Variants in PDE1C observed in about 807,000 individuals in gnomAD.
PDE1C encodes phosphodiesterase 1C.
In PDE1C, 62 loss-of-function variants were observed where a neutral mutation model predicts 93.1. The ratio of observed to expected loss-of-function variants is 0.67; its 90% CI spans 0.54 to 0.82. The LOEUF (loss-of-function observed/expected upper bound fraction) is 0.82, where lower values mean the gene tolerates loss of function less well. Ranked by LOEUF, PDE1C falls within the 40% of genes least tolerant of loss-of-function variation. PDE1C has a pLI of 0.00. For synonymous variants in PDE1C, 325 were observed against 310.1 expected, an observed-to-expected ratio of 1.05 and a Z score of -0.50; for missense variants, 742 against 884.6, an observed-to-expected ratio of 0.84 and a Z score of 2.04.
At chr7:32,082,720 G>C (rs7808526) in intron 3 of PDE1C, among the ~76,000 whole-genome samples, 7,566 of 152,174 alleles carry the variant, frequency 0.05, 626 homozygotes, top group African/African-American at 0.17. Flanking sequence ...TGCAGCCACC[G>C]CTACTGATAC....
intron 16 of PDE1C, chr7:31,786,083 C>A (rs757085318): frequency 2.0e-5 from 3 of 152,158 alleles, no homozygotes; most frequent in Non-Finnish European, 4.4e-5. Flanking sequence ...TGGTGCTGTA[C>A]CAATCATATT....
At chr7:32,038,102 A>C (rs914799105) in intron 2 of PDE1C, among the ~76,000 whole-genome samples, 13 of 152,196 alleles carry the variant, frequency 8.5e-5, no homozygotes, top group Non-Finnish European at 1.2e-4. Flanking sequence ...GCCTACTAGA[A>C]GATAAATACA....
intron 2 of PDE1C, among the ~76,000 whole-genome samples, chr7:31,905,464 A>G (rs4723108): frequency 0.46 from 70,095 of 151,996 alleles, 16,999 homozygotes; most frequent in Non-Finnish European, 0.54. Context: ...TCTTGTATAA[A>G]GAATCAGTAA....
At chr7:32,208,869 T>G (rs1033714004) in intron 2 of PDE1C, among the ~76,000 whole-genome samples, 1 of 152,196 alleles carries the variant, frequency 6.6e-6, no homozygotes, top group Non-Finnish European at 1.5e-5. Flanking sequence ...GGAAGCCCCA[T>G]GGCCTAACCA....
the PDE1C span, among the ~76,000 whole-genome samples, chr7:31,722,831 T>G: frequency 6.6e-6 from 1 of 152,178 alleles, no homozygotes; most frequent in African/African-American, 2.4e-5. Context: ...ATTAGGAAAG[T>G]TCTCAGTCTT....
intron 1 of PDE1C, among the ~76,000 whole-genome samples, chr7:32,421,789 T>A (rs1785437299): frequency 6.6e-6 from 1 of 152,198 alleles, no homozygotes; most frequent in Non-Finnish European, 1.5e-5. Flanking sequence ...GTCGTGAAGA[T>A]CAAATGTTAA....
At chr7:32,427,448 C>T (rs1489765910) in intron 1 of PDE1C, among the ~76,000 whole-genome samples, 1 of 152,194 alleles carries the variant, frequency 6.6e-6, no homozygotes, top group Non-Finnish European at 1.5e-5. Context: ...GTAACTAGGT[C>T]TGGACAAGCA....
chr7:32,334,135 T>G (rs916378854), intron 1 of PDE1C, among the ~76,000 whole-genome samples: 5 of 152,170 alleles, frequency 3.3e-5, no homozygotes, highest in Non-Finnish European at 7.4e-5. Context: ...TTTTACCCTA[T>G]TTAATTCATA....
the PDE1C span, among the ~76,000 whole-genome samples, chr7:31,636,873 C>A: frequency 2.3e-5 from 2 of 85,672 alleles, no homozygotes; most frequent in Non-Finnish European, 4.4e-5. Context: ...TGCTATCCCT[C>A]CCCCCTCCCC....
chr7:32,380,540 C>T (rs566920231), intron 1 of PDE1C, among the ~76,000 whole-genome samples: 68 of 151,970 alleles, frequency 4.5e-4, no homozygotes, highest in Non-Finnish European at 8.8e-4. Context: ...GCCACCGCAC[C>T]CAGCCTCCAT....
exon 3 of PDE1C, chr7:32,169,910 G>T (rs1292861841): frequency 2.5e-6 from 4 of 1,612,574 alleles, no homozygotes; most frequent in Non-Finnish European, 3.4e-6. Context: ...CATTCCCTGT[G>T]AGCCCATCGA....
chr7:32,350,220 T>A (rs981149398), intron 1 of PDE1C, among the ~76,000 whole-genome samples: 9 of 152,134 alleles, frequency 5.9e-5, no homozygotes, highest in Non-Finnish European at 1.2e-4. Flanking sequence ...CCAACTACCA[T>A]CAATTCACAG....
intron 1 of PDE1C, among the ~76,000 whole-genome samples, chr7:32,347,235 C>T (rs1783870461): frequency 6.6e-6 from 1 of 152,158 alleles, no homozygotes; most frequent in Non-Finnish European, 1.5e-5. Context: ...ACTGAGAACA[C>T]CTTAGACAAT....
intron 1 of PDE1C, among the ~76,000 whole-genome samples, chr7:32,240,123 G>A (rs911704719): frequency 3.3e-5 from 5 of 152,122 alleles, no homozygotes; most frequent in Non-Finnish European, 5.9e-5. Context: ...TGTTTGTTAC[G>A]GCAGCATAAG....
At chr7:31,774,919 T>C (rs576878904) in intron 17 of PDE1C, among the ~76,000 whole-genome samples, 1 of 152,326 alleles carries the variant, frequency 6.6e-6, no homozygotes, top group South Asian at 2.1e-4. Flanking sequence ...TGACGGTATT[T>C]ATCTTTTATA....
intron 2 of PDE1C, among the ~76,000 whole-genome samples, chr7:31,986,119 CT>C (rs1291216533): frequency 6.6e-6 from 1 of 152,108 alleles, no homozygotes; most frequent in Non-Finnish European, 1.5e-5. Flanking sequence ...GAAATTTATT[CT>C]TGCACAGTTC....
At chr7:32,086,136 G>A (rs1797057225) in intron 3 of PDE1C, among the ~76,000 whole-genome samples, 1 of 146,096 alleles carries the variant, frequency 6.8e-6, no homozygotes, top group Non-Finnish European at 1.5e-5. Context: ...TCCTTAAGCT[G>A]ATAAGCAACT....
the PDE1C span, among the ~76,000 whole-genome samples, chr7:31,690,847 C>G: frequency 6.6e-6 from 1 of 152,086 alleles, no homozygotes; most frequent in South Asian, 2.1e-4. Flanking sequence ...TTTTGAGCCT[C>G]AGTTTCTTCT....
chr7:31,747,327 A>G (rs1794027613), downstream of PDE1C, among the ~76,000 whole-genome samples: 1 of 152,196 alleles, frequency 6.6e-6, no homozygotes, highest in Middle Eastern at 3.2e-3. Context: ...GCTAATCAAC[A>G]ATAAGGACAG....
Sources: allele counts gnomAD v4.1 joint callset (sites outside exome capture counted in the v4.1 genomes callset), GRCh38; gene constraint gnomAD v4.1.1; transcripts MANE v1.5; gene names NCBI Gene and HGNC (gene_info 2026-07-23, HGNC 2026-07-21).